The following MEGF11 variants were observed in gnomAD, a reference collection of about 807,000 sequenced individuals.
MEGF11 encodes the protein multiple EGF like domains 11.
A neutral mutation model predicts 146.6 loss-of-function variants in MEGF11; 126 were observed. That is an observed-to-expected ratio of 0.86 (90% CI 0.74 to 1.00). The LOEUF is 1.00. MEGF11 is among the 50% of genes least tolerant of loss of function. The pLI is 0.00. For synonymous variants in MEGF11, 532 were observed against 583.4 expected (o/e 0.91, Z 1.27); for missense variants, 1,509 against 1,521.2 (o/e 0.99, Z 0.13).
At chr15:66,061,304 T>G (rs2084896334) in intron 5 of MEGF11, among the ~76,000 whole-genome samples, 1 of 152,210 alleles carries the variant, frequency 6.6e-6, no homozygotes, top group African/African-American at 2.4e-5. Flanking sequence ...AGGGAGTTAC[T>G]GCAGGCCGTC....
intron 5 of MEGF11, among the ~76,000 whole-genome samples, chr15:66,091,134 C>A (rs935725171): frequency 6.6e-6 from 1 of 152,176 alleles, no homozygotes; most frequent in African/African-American, 2.4e-5. Context: ...CACATATAGA[C>A]CCCACTCAGT....
intron 4 of MEGF11, among the ~76,000 whole-genome samples, chr15:66,099,597 C>A (rs969079394): frequency 6.6e-6 from 1 of 152,220 alleles, no homozygotes; most frequent in Admixed American, 6.5e-5. Context: ...CTTGAGCAAC[C>A]TCTCTGGTCC....
chr15:66,248,850 T>C (rs994253025), intron 1 of MEGF11, among the ~76,000 whole-genome samples: 1 of 152,254 alleles, frequency 6.6e-6, no homozygotes, highest in South Asian at 2.1e-4. Flanking sequence ...AACAGACATG[T>C]TAAGCCTGCA....
At chr15:66,129,112 C>T (rs2088529489) in intron 1 of MEGF11, among the ~76,000 whole-genome samples, 1 of 152,236 alleles carries the variant, frequency 6.6e-6, no homozygotes, top group African/African-American at 2.4e-5. Context: ...CCTGAAGTGA[C>T]AGCCTATGGC....
chr15:66,206,311 T>C (rs2091298082), intron 1 of MEGF11, among the ~76,000 whole-genome samples: 1 of 151,928 alleles, frequency 6.6e-6, no homozygotes, highest in Non-Finnish European at 1.5e-5. Context: ...AACATCTGTG[T>C]CATCAGAAGG....
At chr15:66,163,014 C>T (rs1015128857) in intron 1 of MEGF11, among the ~76,000 whole-genome samples, 5 of 152,160 alleles carry the variant, frequency 3.3e-5, no homozygotes, top group Admixed American at 2.0e-4. Context: ...CTGCAACATA[C>T]TGCTCATATA....
intron 1 of MEGF11, among the ~76,000 whole-genome samples, chr15:66,231,401 C>G (rs147290101): frequency 1.3e-5 from 2 of 151,594 alleles, no homozygotes; most frequent in South Asian, 4.2e-4. Flanking sequence ...TAGATAATGG[C>G]GGGGTCAGAA....
chr15:66,116,212 G>A (rs1006146409), intron 4 of MEGF11, among the ~76,000 whole-genome samples: 9 of 152,118 alleles, frequency 5.9e-5, no homozygotes, highest in African/African-American at 4.8e-5. Context: ...CTCCTGCCGC[G>A]CTTGACTGTC....
At chr15:66,252,035 A>C (rs554954279) in intron 1 of MEGF11, among the ~76,000 whole-genome samples, 5 of 152,110 alleles carry the variant, frequency 3.3e-5, no homozygotes, top group African/African-American at 1.2e-4. Context: ...GTACCTCTAA[A>C]CCCCCTAAAC....
chr15:66,175,370 C>A (rs1465519227), intron 1 of MEGF11, among the ~76,000 whole-genome samples: 13 of 152,104 alleles, frequency 8.5e-5, no homozygotes. Context: ...CCAAAACAAT[C>A]CTGAGCAAAA....
chr15:66,119,542 C>T (rs2087912275), intron 3 of MEGF11, among the ~76,000 whole-genome samples: 1 of 152,164 alleles, frequency 6.6e-6, no homozygotes, highest in Non-Finnish European at 1.5e-5. Context: ...CACGGGGTGA[C>T]CTGGATAGGA....
intron 2 of MEGF11, 45 bp downstream of exon 2, chr15:66,128,261 G>T: frequency 7.6e-7 from 1 of 1,309,596 alleles, no homozygotes. Flanking sequence ...CATGCCCAGG[G>T]CGATCCCCCA....
intron 1 of MEGF11, among the ~76,000 whole-genome samples, chr15:66,151,494 G>A (rs11071861): frequency 0.12 from 17,518 of 152,022 alleles, 1,986 homozygotes; most frequent in African/African-American, 0.3. Context: ...TCTGGGCCTG[G>A]GTTTCTTAAT....
chr15:66,101,022 G>T (rs2086783322), intron 4 of MEGF11, among the ~76,000 whole-genome samples: 1 of 145,182 alleles, frequency 6.9e-6, no homozygotes, highest in Non-Finnish European at 1.5e-5. Flanking sequence ...TGGGTGGGTG[G>T]GTGAGCGGGT....
chr15:66,114,347 G>A (rs2087606672), intron 4 of MEGF11, among the ~76,000 whole-genome samples: 1 of 152,172 alleles, frequency 6.6e-6, no homozygotes, highest in South Asian at 2.1e-4. Flanking sequence ...AGGCTGACAA[G>A]GAGCAGGCCT....
intron 1 of MEGF11, among the ~76,000 whole-genome samples, chr15:66,129,843 G>T (rs2088564225): frequency 6.6e-6 from 1 of 152,202 alleles, no homozygotes; most frequent in Non-Finnish European, 1.5e-5. Context: ...AACCGTGGGG[G>T]TCTAAATTAA....
At chr15:66,087,894 T>C (rs1463412061) in intron 5 of MEGF11, among the ~76,000 whole-genome samples, 3 of 151,996 alleles carry the variant, frequency 2.0e-5, no homozygotes, top group African/African-American at 7.2e-5. Context: ...AGCTGGTTCT[T>C]TGAAAAGATA....
chr15:66,116,763 G>C (rs1221052207), intron 4 of MEGF11, among the ~76,000 whole-genome samples: 2 of 152,194 alleles, frequency 1.3e-5, no homozygotes, highest in Non-Finnish European at 2.9e-5. Flanking sequence ...ACAATGTGGA[G>C]CACCAATGCC....
chr15:66,243,013 T>G (rs1399667414), intron 1 of MEGF11, among the ~76,000 whole-genome samples: 1 of 152,142 alleles, frequency 6.6e-6, no homozygotes, highest in Non-Finnish European at 1.5e-5. Flanking sequence ...TATACAAACT[T>G]TAAGCACTAC....
Sources: gnomAD v4.1 joint callset for allele counts (sites outside exome capture counted in the v4.1 genomes callset) on GRCh38, gnomAD v4.1.1 for gene constraint, MANE v1.5 for transcripts, NCBI Gene and HGNC (gene_info 2026-07-23, HGNC 2026-07-21) for gene names.